Variants in NAALADL2 observed in about 807,000 individuals in gnomAD.
NAALADL2 encodes the protein N-acetylated alpha-linked acidic dipeptidase like 2.
A neutral mutation model predicts 87.2 loss-of-function variants in NAALADL2; 76 were observed. The observed-to-expected ratio is 0.87, with a 90% CI of 0.72 to 1.05. The LOEUF (loss-of-function observed/expected upper bound fraction) is 1.05, where lower values mean the gene tolerates loss of function less well. Among genes scored for constraint, NAALADL2 ranks in the 50% least tolerant of loss-of-function variants. The pLI, the probability that NAALADL2 is intolerant of heterozygous loss-of-function variation, is 0.00. For synonymous variants in NAALADL2, 354 were observed against 331.0 expected, an observed-to-expected ratio of 1.07 and a Z score of -0.75; for missense variants, 1,089 against 945.8, an observed-to-expected ratio of 1.15 and a Z score of -1.99.
chr3:174,448,485 T>G (rs541808059), intron 1 of NAALADL2, among the ~76,000 whole-genome samples: 5 of 152,322 alleles, frequency 3.3e-5, no homozygotes, highest in African/African-American at 7.2e-5. Flanking sequence ...TGGTAGATCT[T>G]TTTGTATTTT....
intron 1 of NAALADL2, among the ~76,000 whole-genome samples, chr3:174,486,498 T>G (rs2108340421): frequency 6.6e-6 from 1 of 152,184 alleles, no homozygotes; most frequent in Non-Finnish European, 1.5e-5. Flanking sequence ...ACTCCACTAG[T>G]TCTTGGGGAA....
intron 1 of NAALADL2, among the ~76,000 whole-genome samples, chr3:174,470,567 A>G (rs975851827): frequency 6.6e-6 from 1 of 152,152 alleles, no homozygotes; most frequent in African/African-American, 2.4e-5. Flanking sequence ...AATGTCTAGA[A>G]TGGTATTTCC....
intron 3 of NAALADL2, among the ~76,000 whole-genome samples, chr3:175,241,714 A>G (rs1239466629): frequency 1.3e-5 from 2 of 152,136 alleles, no homozygotes; most frequent in Non-Finnish European, 2.9e-5. Flanking sequence ...AGAGAACAGA[A>G]GCCTATTTTA....
intron 8 of NAALADL2, among the ~76,000 whole-genome samples, chr3:175,468,518 G>A (rs1724418514): frequency 6.6e-6 from 1 of 151,872 alleles, no homozygotes; most frequent in Non-Finnish European, 1.5e-5. Context: ...TGAAATTAAT[G>A]TTTTAGTTTT....
intron 1 of NAALADL2, among the ~76,000 whole-genome samples, chr3:174,927,863 C>T (rs1286584757): frequency 6.6e-6 from 1 of 152,034 alleles, no homozygotes; most frequent in Non-Finnish European, 1.5e-5. Context: ...AAGATCAGAG[C>T]ATAACTAAAG....
intron 3 of NAALADL2, among the ~76,000 whole-genome samples, chr3:174,854,069 T>C (rs1725578644): frequency 6.6e-6 from 1 of 152,226 alleles, no homozygotes; most frequent in African/African-American, 2.4e-5. Context: ...ATCAAAGATG[T>C]ATTTGAACTT....
chr3:175,590,995 A>G (rs1330225003), intron 10 of NAALADL2, among the ~76,000 whole-genome samples: 1 of 149,200 alleles, frequency 6.7e-6, no homozygotes, highest in African/African-American at 2.4e-5. Flanking sequence ...CCCCTTCAAA[A>G]TAGCTTGTGC....
At chr3:175,055,866 T>A (rs1018998879) in intron 1 of NAALADL2, among the ~76,000 whole-genome samples, 1 of 152,212 alleles carries the variant, frequency 6.6e-6, no homozygotes, top group Non-Finnish European at 1.5e-5. Flanking sequence ...AGTAGCTTTA[T>A]GCAGATTACC....
chr3:175,119,746 T>C (rs1725848624), intron 2 of NAALADL2, among the ~76,000 whole-genome samples: 1 of 129,276 alleles, frequency 7.7e-6, no homozygotes, highest in African/African-American at 2.9e-5. Flanking sequence ...TATATACTTA[T>C]ATATCTATAT....
chr3:175,256,264 A>G (rs1749922373), intron 3 of NAALADL2, 147 bp from the exon 4 acceptor site: 4 of 621,596 alleles, frequency 6.4e-6, no homozygotes, highest in Non-Finnish European at 7.5e-6. Context: ...GGTCATGTTT[A>G]TGGTAATTGG....
chr3:175,448,954 G>A (rs574686894), intron 6 of NAALADL2, among the ~76,000 whole-genome samples: 4 of 152,102 alleles, frequency 2.6e-5, no homozygotes, highest in South Asian at 2.1e-4. Flanking sequence ...TAGATCAAGT[G>A]GTCCTCCTGC....
At chr3:174,846,140 G>A (rs1724592135) in intron 3 of NAALADL2, among the ~76,000 whole-genome samples, 1 of 152,188 alleles carries the variant, frequency 6.6e-6, no homozygotes, top group East Asian at 1.9e-4. Context: ...GACCACCAAG[G>A]GTCTCTAGAT....
At chr3:175,405,141 AAGT>A (rs1350979137) in intron 5 of NAALADL2, among the ~76,000 whole-genome samples, 1 of 152,178 alleles carries the variant, frequency 6.6e-6, no homozygotes, top group Non-Finnish European at 1.5e-5. Context: ...TTAGCAATAG[AAGT>A]AGTGTTCTTC....
At chr3:175,264,174 T>C (rs1031573407) in intron 4 of NAALADL2, among the ~76,000 whole-genome samples, 1 of 151,848 alleles carries the variant, frequency 6.6e-6, no homozygotes, top group African/African-American at 2.4e-5. Context: ...TTCTACTTCA[T>C]AGTTATGTGA....
intron 5 of NAALADL2, among the ~76,000 whole-genome samples, chr3:175,332,497 C>T (rs1412818995): frequency 6.6e-6 from 1 of 152,184 alleles, no homozygotes; most frequent in African/African-American, 2.4e-5. Context: ...GACAAGGTCT[C>T]ACTATGTTGC....
intron 2 of NAALADL2, among the ~76,000 whole-genome samples, chr3:175,141,475 A>G (rs1729985888): frequency 6.6e-6 from 1 of 152,032 alleles, no homozygotes; most frequent in Admixed American, 6.6e-5. Flanking sequence ...TCAAATAGAG[A>G]GAGTAGAGGG....
intron 1 of NAALADL2, among the ~76,000 whole-genome samples, chr3:175,020,439 G>A (rs1292798846): frequency 6.6e-6 from 1 of 151,968 alleles, no homozygotes; most frequent in African/African-American, 2.4e-5. Context: ...ATGTATCATT[G>A]TCTAGATTCT....
At chr3:175,605,624 T>C (rs746403533) in intron 10 of NAALADL2, among the ~76,000 whole-genome samples, 167 of 147,832 alleles carry the variant, frequency 1.1e-3, no homozygotes, top group Non-Finnish European at 2.2e-3. Flanking sequence ...TGAGGACACC[T>C]AGATGTATAT....
At chr3:174,949,760 C>T (rs1169746455) in intron 1 of NAALADL2, among the ~76,000 whole-genome samples, 1 of 152,168 alleles carries the variant, frequency 6.6e-6, no homozygotes, top group Non-Finnish European at 1.5e-5. Context: ...AACAAAGTTA[C>T]CCTTAGCTAC....
Sources: gnomAD v4.1 joint callset for allele counts (sites outside exome capture counted in the v4.1 genomes callset) on GRCh38, gnomAD v4.1.1 for gene constraint, MANE v1.5 for transcripts, NCBI Gene and HGNC (gene_info 2026-07-23, HGNC 2026-07-21) for gene names.